ABCC6: variants seen among roughly 807,000 people sequenced by gnomAD.
ABCC6 encodes the protein ATP binding cassette subfamily C member 6.
A neutral mutation model predicts 169.5 loss-of-function variants in ABCC6; 126 were observed. The observed-to-expected ratio is 0.74, with a 90% CI of 0.64 to 0.86. ABCC6 has a LOEUF of 0.86. Among genes scored for constraint, ABCC6 ranks in the 40% least tolerant of loss-of-function variants. The probability of loss-of-function intolerance (pLI) is 0.00; values close to 1 mark genes in which losing one functional copy is unlikely to be tolerated. For missense variants in ABCC6, 1,733 were observed against 1,927.2 expected (o/e 0.90, Z 1.89); for synonymous variants, 752 against 814.7 (o/e 0.92, Z 1.31).
chr16:16,188,143 G>A (rs1313799571), intron 13 of ABCC6, among the ~76,000 whole-genome samples: 1 of 151,196 alleles, frequency 6.6e-6, no homozygotes, highest in Non-Finnish European at 1.5e-5. Flanking sequence ...ACTTTGGGAG[G>A]CCAAGGTGGG....
chr16:16,159,683 G>C, intron 25 of ABCC6, 100 bp from the exon 26 acceptor site: 1 of 1,067,652 alleles, frequency 9.4e-7, no homozygotes, highest in East Asian at 2.5e-5. Context: ...GCCAGACCCA[G>C]GGGAGTAAAG....
intron 9 of ABCC6, among the ~76,000 whole-genome samples, chr16:16,198,401 A>G (rs1470281990): frequency 6.6e-6 from 1 of 152,234 alleles, no homozygotes; most frequent in Admixed American, 6.5e-5. Context: ...AATAATGAAT[A>G]ACATGCACGA....
At chr16:16,153,995 G>T (rs1331706930) in intron 29 of ABCC6, among the ~76,000 whole-genome samples, 1 of 151,910 alleles carries the variant, frequency 6.6e-6, no homozygotes, top group Non-Finnish European at 1.5e-5. Context: ...CGAAGCCCAG[G>T]ATGGAGTGCA....
At chr16:16,162,563 G>C (rs756760468) in intron 24 of ABCC6, among the ~76,000 whole-genome samples, 1 of 152,202 alleles carries the variant, frequency 6.6e-6, no homozygotes, top group Non-Finnish European at 1.5e-5. Context: ...CCATGAGCAC[G>C]ATCCCAGTTT....
At chr16:16,197,903 C>G (rs2048103538) in intron 10 of ABCC6, 118 bp downstream of exon 10, 1 of 1,244,754 alleles carries the variant, frequency 8.0e-7, no homozygotes, top group Admixed American at 2.1e-5. Flanking sequence ...CACAGCGGAC[C>G]TCTTCCAGCC....
rs183895604 is a variant in ABCC6 at position 16,196,758 on chromosome 16, G to C, written c.1338+1263C>G. Among the ~76,000 whole-genome samples, 17 of 152,314 alleles carry C rather than the reference G, an allele frequency of 1.1e-4. 1 individual carries two copies. The highest frequency in any genetic ancestry group is 9.8e-4 in the Admixed American group (15 of 15,290). On this transcript the variant is annotated intron_variant, in intron 10 of 30. Coordinates refer to ENST00000205557, the MANE Select transcript of ABCC6 (RefSeq NM_001171.6). ...ACTCTGTCACCCAGGCTGGAGTGCA[G>C]TGGCATTATCTCAGCTCACTGCAAC...
At chr16:16,180,731 C>T (rs1228474889) in intron 17 of ABCC6, among the ~76,000 whole-genome samples, 1 of 152,032 alleles carries the variant, frequency 6.6e-6, no homozygotes, top group Admixed American at 6.6e-5. Flanking sequence ...CCTCAAGCAA[C>T]CCTCCCGCCT....
rs76624087 is a variant in ABCC6, at chr16:16,172,719, A to G, written c.2787+565T>C. Among the ~76,000 whole-genome samples the G allele has an allele frequency of 6.1e-3, 922 of 152,226 alleles. 10 individuals carry two copies. The highest frequency in any genetic ancestry group is 0.011 in the Non-Finnish European group (733 of 68,000). ...GGTTGTGTCCCAGGCTAGATATGAAAACACAAACAAGTCTCTTAACTGTTT... is the reference window on the plus strand; with the variant it reads ...GGTTGTGTCCCAGGCTAGATATGAAGACACAAACAAGTCTCTTAACTGTTT... On this transcript the variant is annotated intron_variant, in intron 21 of 30. Coordinates refer to ENST00000205557, the MANE Select transcript of ABCC6 (RefSeq NM_001171.6).
intron 12 of ABCC6, among the ~76,000 whole-genome samples, chr16:16,189,285 A>C (rs2047760823): frequency 6.6e-6 from 1 of 152,136 alleles, no homozygotes; most frequent in South Asian, 2.1e-4. Context: ...GGGACAGCAG[A>C]GTTTTTGATC....
At chr16:16,201,618 A>G (rs755885582) in intron 9 of ABCC6, among the ~76,000 whole-genome samples, 23 of 152,320 alleles carry the variant, frequency 1.5e-4, no homozygotes, top group Non-Finnish European at 1.3e-4. Context: ...ACTTGAGGCT[A>G]GGAGTTCGAG....
In ABCC6 at chr16:16,157,788, A is replaced by G; in HGVS notation, c.3757T>C (p.Cys1253Arg). 1 of 1,612,850 alleles carries G rather than the reference A, an allele frequency of 6.2e-7. No homozygotes were observed. The highest frequency in any genetic ancestry group is 8.5e-7 in the Non-Finnish European group (1 of 1,179,968). The change falls in exon 27 of 31, where the codon TGT becomes CGT. Residue 1253 changes from cysteine to arginine, a missense_variant. This residue lies in a region of ABCC6 where 1,601 missense variants were observed against 1,635.5 expected (regional missense o/e 0.98). Coordinates refer to ENST00000205557, the MANE Select transcript of ABCC6 (RefSeq NM_001171.6). ...PKEAPWRLPT[C>R]AAQPPWPQGG... ...TGAGGCCAGGGGGGCTGAGCTGCAC[A>G]TGTGGGCAGCCTCCAGGGAGCCTGG...
intron 7 of ABCC6, among the ~76,000 whole-genome samples, chr16:16,208,067 T>C (rs571300373): frequency 2.0e-5 from 3 of 152,166 alleles, no homozygotes; most frequent in Non-Finnish European, 2.9e-5. Context: ...GCTCAGGTTA[T>C]ATAGTAAGTG....
intron 14 of ABCC6, 60 bp from the exon 15 acceptor site, chr16:16,185,094 A>G: frequency 6.7e-7 from 1 of 1,484,824 alleles, no homozygotes. Context: ...TCTGCATCGG[A>G]GAGGCCCCCA....
intron 10 of ABCC6, 151 bp from the exon 11 acceptor site, chr16:16,193,073 A>G (rs1596687962): frequency 1.5e-6 from 1 of 663,790 alleles, no homozygotes. Context: ...GGGTATTGTA[A>G]GTCACAGGAT....
chr16:16,202,359 C>T (rs1335420512), intron 8 of ABCC6, among the ~76,000 whole-genome samples, 181 bp from the exon 9 acceptor site: 1 of 151,810 alleles, frequency 6.6e-6, no homozygotes, highest in East Asian at 1.9e-4. Flanking sequence ...ACTGTCCATA[C>T]TCCTTTTCAA....
rs1215757817 is a variant in ABCC6, at chr16:16,157,666, C to G, written c.3879G>C (p.Glu1293Asp). 7 of 1,614,006 alleles carry G rather than the reference C, an allele frequency of 4.3e-6. No individual in the cohort carries two copies. Among genetic ancestry groups the G allele is most frequent in the Non-Finnish European group, 5.9e-6 (7 of 1,180,008 alleles). ...QGVSFKIHAGEKVGIVGRTGA... is the reference protein window; with the variant it reads ...QGVSFKIHAGDKVGIVGRTGA... Reference sequence around the variant, plus strand: ...ACATTGTGAGAGAACCACTCACCTTCTCTCCTGCGTGGATCTTGAAGGACA... The same window carrying G: ...ACATTGTGAGAGAACCACTCACCTTGTCTCCTGCGTGGATCTTGAAGGACA... Residue 1293 changes from glutamate to aspartate, a missense_variant, in exon 27 of 31, where the codon GAG becomes GAC. Glu to Asp is a conservative substitution (Grantham distance 45). This residue lies in a region of ABCC6 where 1,601 missense variants were observed against 1,635.5 expected (regional missense o/e 0.98). Coordinates refer to ENST00000205557, the MANE Select transcript of ABCC6 (RefSeq NM_001171.6).
At chr16:16,192,678 T>C (rs2047901622) in intron 11 of ABCC6, 152 bp downstream of exon 11, 2 of 715,236 alleles carry the variant, frequency 2.8e-6, no homozygotes, top group African/African-American at 1.8e-5. Context: ...GGGGAGGGGG[T>C]GCAGGTCTGA....
chr16:16,177,488 C>A lies in ABCC6; in HGVS notation c.2554G>T (p.Asp852Tyr), dbSNP rs764401327. 9.3e-6 allele frequency: 15 copies of A among 1,614,062 alleles called. No homozygotes were observed. In the South Asian group the frequency reaches 1.6e-4, roughly 18 times the overall value. Residue 852 changes from aspartate (D) to tyrosine (Y), a missense_variant, in exon 19 of 31, where the codon GAT becomes TAT. Physicochemically the swap from Asp to Tyr is radical, Grantham distance 160 (BLOSUM62 -3). Coordinates refer to ENST00000205557, the MANE Select transcript of ABCC6 (RefSeq NM_001171.6). Reference sequence around the variant, plus strand: ...CTATCTCCTGGCTGTCTGGCTTGATCCAGAAGACACATGAGGGCCCCCTTC... The same window carrying A: ...CTATCTCCTGGCTGTCTGGCTTGATACAGAAGACACATGAGGGCCCCCTTC... ...QRKGALMCLL[D>Y]QARQPGDRGE... is the part of the protein sequence containing the mutation.
chr16:16,215,272 A>T (rs1273297738), intron 4 of ABCC6, among the ~76,000 whole-genome samples: 1 of 151,298 alleles, frequency 6.6e-6, no homozygotes, highest in Non-Finnish European at 1.5e-5. Flanking sequence ...GGCTCAGAGA[A>T]GTGACAGCAC....
Sources: allele counts gnomAD v4.1 joint callset (sites outside exome capture counted in the v4.1 genomes callset), GRCh38; gene constraint gnomAD v4.1.1; regional missense constraint gnomAD v4.1.1; transcripts MANE v1.5; gene names NCBI Gene and HGNC (gene_info 2026-07-23, HGNC 2026-07-21).